Variants in DIAPH3 observed in about 807,000 individuals in gnomAD.
DIAPH3 encodes diaphanous related formin 3, also known as protein diaphanous homolog 3.
DIAPH3 carries 117 observed loss-of-function variants against 144.3 expected under a neutral mutation model. The ratio of observed to expected loss-of-function variants is 0.81; its 90% confidence interval spans 0.70 to 0.95. The LOEUF is 0.95. Among genes scored for constraint, DIAPH3 ranks in the 40% least tolerant of loss-of-function variants. DIAPH3 has a pLI of 0.00. For missense variants in DIAPH3, 1,421 were observed against 1,412.7 expected (o/e 1.01, Z -0.09); for synonymous variants, 519 against 488.9 (o/e 1.06, Z -0.81).
At chr13:59,946,583 T>TA (rs989706354) in intron 17 of DIAPH3, among the ~76,000 whole-genome samples, 1 of 152,068 alleles carries the variant, frequency 6.6e-6, no homozygotes, top group African/African-American at 2.4e-5. Context: ...AAACAAATGC[T>TA]AAAAAAGCAC....
chr13:59,960,134 A>G (rs2049661177), intron 17 of DIAPH3, among the ~76,000 whole-genome samples: 1 of 152,200 alleles, frequency 6.6e-6, no homozygotes, highest in African/African-American at 2.4e-5. Flanking sequence ...GGGGGGCTAT[A>G]AGTCATATTC....
At chr13:60,045,286 G>A (rs536437901) in intron 4 of DIAPH3, among the ~76,000 whole-genome samples, 2 of 151,870 alleles carry the variant, frequency 1.3e-5, no homozygotes, top group Admixed American at 6.6e-5. Context: ...GTTGAGGTGA[G>A]CAGAGATCAT....
At chr13:59,865,155 C>G (rs558289922) in intron 21 of DIAPH3, among the ~76,000 whole-genome samples, 3 of 152,100 alleles carry the variant, frequency 2.0e-5, no homozygotes, top group Admixed American at 6.6e-5. Flanking sequence ...CCTCCCCTCT[C>G]TCTAACCATC....
chr13:60,144,628 G>A (rs1192065626), intron 1 of DIAPH3: 1 of 152,158 alleles, frequency 6.6e-6, no homozygotes, highest in Non-Finnish European at 1.5e-5. Flanking sequence ...TGAAAATCAG[G>A]CTCTACTCTT....
At chr13:60,018,183 T>C (rs2053782269) in intron 5 of DIAPH3, among the ~76,000 whole-genome samples, 1 of 152,190 alleles carries the variant, frequency 6.6e-6, no homozygotes, top group African/African-American at 2.4e-5. Flanking sequence ...TATTCAAAAG[T>C]ATAGCCACAA....
At chr13:60,160,770 A>T (rs1952253622) in intron 1 of DIAPH3, among the ~76,000 whole-genome samples, 1 of 152,186 alleles carries the variant, frequency 6.6e-6, no homozygotes, top group African/African-American at 2.4e-5. Context: ...GATATTTTCA[A>T]ATGAGACCAA....
At chr13:59,835,267 G>C (rs1346888384) in intron 23 of DIAPH3, among the ~76,000 whole-genome samples, 2 of 151,708 alleles carry the variant, frequency 1.3e-5, no homozygotes, top group East Asian at 3.9e-4. Context: ...TAGCTAACAA[G>C]TCAGGCAAAG....
intron 25 of DIAPH3, among the ~76,000 whole-genome samples, chr13:59,787,817 G>A (rs2039116964): frequency 6.6e-6 from 1 of 152,118 alleles, no homozygotes; most frequent in Non-Finnish European, 1.5e-5. Flanking sequence ...TAGGAGAAAG[G>A]GCTTTGGGAG....
intron 27 of DIAPH3, among the ~76,000 whole-genome samples, chr13:59,705,253 C>T (rs11840824): frequency 2.0e-5 from 3 of 151,962 alleles, no homozygotes; most frequent in Non-Finnish European, 2.9e-5. Flanking sequence ...ACAAGAGAGC[C>T]GCCATGAATT....
chr13:59,789,849 G>A lies in DIAPH3; in HGVS notation c.3164-15026C>T, dbSNP rs187454383. ...ATGATGATTAAAGCTGGCATAGTGT[G>A]AAGGTGTCAAGCCTGGGTGACTGGG... On this transcript the variant is annotated intron_variant, in intron 25 of 27. Transcript: ENST00000400324. Among the ~76,000 whole-genome samples the A allele has an allele frequency of 3.9e-5, 6 of 152,314 alleles. No homozygotes were observed. In the East Asian group the frequency reaches 1.2e-3, roughly 29 times the overall value.
intron 20 of DIAPH3, among the ~76,000 whole-genome samples, chr13:59,904,418 C>T (rs552930096): frequency 1.1e-3 from 168 of 152,038 alleles, no homozygotes; most frequent in African/African-American, 3.7e-3. Context: ...GTCAGTTTAC[C>T]GAAATGATAC....
chr13:59,992,120 C>T lies in DIAPH3; in HGVS notation c.1192G>A (p.Glu398Lys). The change falls in exon 11 of 28, where the codon GAA becomes AAA. Residue 398 changes from glutamate (E) to lysine (K), a missense_variant. Transcript: ENST00000400324. The part of the protein sequence containing the change: ...QLKVFDEHKE[E>K]DLFELSHRLE... ...CGATGGGATAACTCAAACAAATCTT[C>T]TTCTTTATGCTCATCAAAGACTTTA... 1 of 1,611,972 alleles carries T rather than the reference C, an allele frequency of 6.2e-7. No individual in the cohort carries two copies. Among genetic ancestry groups the T allele is most frequent in the South Asian group, 1.1e-5 (1 of 91,012 alleles).
At chr13:60,067,210 G>A (rs2057003310) in intron 4 of DIAPH3, among the ~76,000 whole-genome samples, 1 of 151,942 alleles carries the variant, frequency 6.6e-6, no homozygotes, top group South Asian at 2.1e-4. Flanking sequence ...GCTTGAGCAT[G>A]AGGAATTGAG....
At position 59,911,756 on chromosome 13, in the gene DIAPH3, T is replaced by C. The variant is rs964731669; in HGVS notation, c.2346A>G (p.Glu782=). ...QFKSEYSNLC[E]PEQFVVVMSN... is the part of the protein sequence containing the mutation. ...TTACCACAACCACAAACTGCTCAGG[T>C]TCACATAAGTTGCTATATTCACTCT... Residue 782 remains glutamate, a synonymous_variant, in exon 20 of 28, where the codon GAA becomes GAG. Transcript: ENST00000400324. 1.2e-6 allele frequency: 2 copies of C among 1,613,492 alleles called. No homozygotes were observed. Among genetic ancestry groups the C allele is most frequent in the Admixed American group, 3.3e-5 (2 of 59,996 alleles).
intron 4 of DIAPH3, among the ~76,000 whole-genome samples, chr13:60,064,299 T>C (rs538173951): frequency 1.3e-5 from 2 of 152,340 alleles, no homozygotes; most frequent in East Asian, 1.9e-4. Context: ...GCTGTGAAAC[T>C]CCTAGATGGC....
intron 27 of DIAPH3, among the ~76,000 whole-genome samples, chr13:59,697,555 T>A (rs1295194071): frequency 6.9e-6 from 1 of 144,916 alleles, no homozygotes; most frequent in Non-Finnish European, 1.5e-5. Flanking sequence ...TATTTAAATA[T>A]CACTACAAAT....
intron 27 of DIAPH3, among the ~76,000 whole-genome samples, chr13:59,735,159 CAA>C (rs1464421755): frequency 6.6e-6 from 1 of 151,820 alleles, no homozygotes; most frequent in Admixed American, 6.6e-5. Flanking sequence ...GAAATAAAAA[CAA>C]TGCAATATTA....
chr13:60,110,988 A>G (rs1322029088), intron 3 of DIAPH3, among the ~76,000 whole-genome samples: 1 of 152,202 alleles, frequency 6.6e-6, no homozygotes, highest in East Asian at 1.9e-4. Flanking sequence ...AATGTTTAAC[A>G]TCAATGGGCT....
At chr13:60,115,700 A>G (rs1390558586) in intron 2 of DIAPH3, among the ~76,000 whole-genome samples, 2 of 152,118 alleles carry the variant, frequency 1.3e-5, no homozygotes, top group African/African-American at 2.4e-5. Flanking sequence ...AGATTTGTAA[A>G]TGTTTTATGG....
Sources: allele counts gnomAD v4.1 joint callset (sites outside exome capture counted in the v4.1 genomes callset), GRCh38; gene constraint gnomAD v4.1.1; transcripts MANE v1.5; gene names NCBI Gene and HGNC (gene_info 2026-07-23, HGNC 2026-07-21).